Variants in SCN11A observed in about 807,000 individuals in gnomAD.
The protein encoded by SCN11A is sodium voltage-gated channel alpha subunit 11.
Under a neutral mutation model 162.2 loss-of-function variants are expected in SCN11A, and 122 were observed. The observed-to-expected ratio is 0.75, with a 90% CI of 0.65 to 0.87. The LOEUF (loss-of-function observed/expected upper bound fraction) is 0.87. Ranked by LOEUF, SCN11A falls within the 40% of genes least tolerant of loss-of-function variation. SCN11A has a pLI of 0.00. For missense variants in SCN11A, 2,015 were observed against 2,181.6 expected (o/e 0.92, Z 1.52); for synonymous variants, 758 against 751.5 (o/e 1.01, Z -0.14).
At chr3:38,995,807 A>ATCTGTCTGTCTGTCTG (rs1553648581) in intron 2 of SCN11A, among the ~76,000 whole-genome samples, 7 of 145,388 alleles carry the variant, frequency 4.8e-5, no homozygotes, top group African/African-American at 1.6e-4. Flanking sequence ...TTGTCTATCT[A>ATCTGTCTGTCTGTCTG]TCTATCTATC....
chr3:38,867,197 C>T, intron 27 of SCN11A, 124 bp downstream of exon 27: 1 of 867,700 alleles, frequency 1.2e-6, no homozygotes, highest in South Asian at 1.8e-5. Context: ...GGGAGGCTCC[C>T]TCCTTGTTAT....
chr3:38,990,067 A>T (rs2030404726), intron 2 of SCN11A, among the ~76,000 whole-genome samples: 2 of 152,192 alleles, frequency 1.3e-5, no homozygotes, highest in Admixed American at 6.6e-5. Flanking sequence ...TTTTACTGAG[A>T]TGAGCTCAGA....
At chr3:38,895,020 A>G in intron 18 of SCN11A, 56 bp from the exon 19 acceptor site, 2 of 1,495,616 alleles carry the variant, frequency 1.3e-6, no homozygotes, top group Non-Finnish European at 1.8e-6. Context: ...GAAAAGATAT[A>G]GTGGGTTTCC....
At chr3:38,932,564 A>G (rs1281124981) in intron 7 of SCN11A, among the ~76,000 whole-genome samples, 1 of 152,170 alleles carries the variant, frequency 6.6e-6, no homozygotes, top group Non-Finnish European at 1.5e-5. Context: ...GCACCAGGAG[A>G]TTATATCCCG....
At chr3:38,918,506 T>G (rs991997182) in intron 11 of SCN11A, among the ~76,000 whole-genome samples, 1 of 152,200 alleles carries the variant, frequency 6.6e-6, no homozygotes, top group Non-Finnish European at 1.5e-5. Context: ...TGCCTGATGA[T>G]CTGAGGTAGA....
chr3:38,930,319 C>A (rs2066221961), intron 7 of SCN11A, among the ~76,000 whole-genome samples: 1 of 152,192 alleles, frequency 6.6e-6, no homozygotes, highest in African/African-American at 2.4e-5. Flanking sequence ...AAGAGCTCCT[C>A]CTTGCTTCAG....
chr3:38,905,837 T>C (rs889077755), intron 14 of SCN11A, among the ~76,000 whole-genome samples: 1 of 152,196 alleles, frequency 6.6e-6, no homozygotes, highest in Non-Finnish European at 1.5e-5. Flanking sequence ...TCACAAAATC[T>C]AGATCCTAAA....
Position 38,903,848 on chromosome 3 carries a change from A to T in SCN11A, c.1842+17T>A. On this transcript the variant is annotated intron_variant, in intron 16 of 29. Transcript: ENST00000302328. ...AGTATGAAATATGTTTTTTATTTTT[A>T]AAAAGTGTAATGTTACCAAATTCCC... 1.3e-6 allele frequency: 2 copies of T among 1,505,080 alleles called. No homozygotes were observed. The highest frequency in any genetic ancestry group is 1.8e-6 in the Non-Finnish European group (2 of 1,105,218). 93.2% of individuals were successfully genotyped at this position (1,505,080 alleles called of 1,614,324 possible).
At chr3:38,929,297 A>G (rs754240368) in intron 7 of SCN11A, among the ~76,000 whole-genome samples, 2 of 152,204 alleles carry the variant, frequency 1.3e-5, no homozygotes, top group Admixed American at 6.5e-5. Flanking sequence ...ACATTCTACA[A>G]CATGTATAAA....
At chr3:38,909,999 T>G (rs558280683) in intron 12 of SCN11A, 67 bp downstream of exon 12, 1 of 1,451,650 alleles carries the variant, frequency 6.9e-7, no homozygotes, top group Non-Finnish European at 9.4e-7. Context: ...AATAGGTAAG[T>G]GATAGAGGGG....
At chr3:38,984,840 A>G (rs997133343) in intron 2 of SCN11A, among the ~76,000 whole-genome samples, 23 of 152,114 alleles carry the variant, frequency 1.5e-4, no homozygotes, top group African/African-American at 5.6e-4. Context: ...CAATGAAGGC[A>G]CGCGAAAGTC....
chr3:38,849,061 A>G (rs2064727748), intron 29 of SCN11A, among the ~76,000 whole-genome samples: 1 of 152,212 alleles, frequency 6.6e-6, no homozygotes, highest in African/African-American at 2.4e-5. Context: ...GGCAAATGCC[A>G]TACAGCATGT....
chr3:38,899,110 A>G (rs1279485946), intron 17 of SCN11A, among the ~76,000 whole-genome samples: 1 of 151,952 alleles, frequency 6.6e-6, no homozygotes, highest in Non-Finnish European at 1.5e-5. Context: ...TCCTATCTGA[A>G]AAAAAAAGGT....
At chr3:38,926,575 C>T (rs1316748875) in intron 8 of SCN11A, among the ~76,000 whole-genome samples, 10 of 151,492 alleles carry the variant, frequency 6.6e-5, no homozygotes, top group Non-Finnish European at 1.5e-5. Context: ...GAGTAAATGG[C>T]TGAAGGAACA....
chr3:39,034,220 A>G (rs2031842094), intron 1 of SCN11A, among the ~76,000 whole-genome samples: 1 of 152,126 alleles, frequency 6.6e-6, no homozygotes, highest in Non-Finnish European at 1.5e-5. Context: ...ACCAGCAAAT[A>G]GAATTCATCA....
intron 10 of SCN11A, among the ~76,000 whole-genome samples, chr3:38,920,707 C>T (rs904432597): frequency 3.5e-5 from 5 of 142,896 alleles, no homozygotes; most frequent in East Asian, 2.0e-4. Context: ...AAAAAAAAGA[C>T]GTGTCATTGG....
At chr3:38,952,063 C>G (rs1464458076) in intron 4 of SCN11A, among the ~76,000 whole-genome samples, 2 of 152,126 alleles carry the variant, frequency 1.3e-5, no homozygotes, top group Admixed American at 6.5e-5. Context: ...ACACTCACCA[C>G]GAAGGTCTGC....
At position 38,950,247 on chromosome 3, in the gene SCN11A, T is replaced by C; in HGVS notation, c.116A>G (p.Lys39Arg). 6 of 1,614,126 alleles carry C rather than the reference T, an allele frequency of 3.7e-6. No individual in the cohort carries two copies. The highest frequency in any genetic ancestry group is 5.1e-6 in the Non-Finnish European group (6 of 1,180,026). ...TACTTCTCCTGTCTGGTCTTTAGACTTCTTTTTCTCCTTTTGGATGGCAAT... is the reference window on the plus strand; with the variant it reads ...TACTTCTCCTGTCTGGTCTTTAGACCTCTTTTTCTCCTTTTGGATGGCAAT... ...KRIAIQKEKK[K>R]SKDQTGEVPQ... The change falls in exon 5 of 30, where the codon AAG (lysine) becomes AGG (arginine). Residue 39 changes from lysine (K) to arginine (R), a missense_variant. Transcript: ENST00000302328.
intron 1 of SCN11A, among the ~76,000 whole-genome samples, chr3:39,035,040 C>T (rs2031868513): frequency 1.3e-5 from 2 of 151,996 alleles, no homozygotes; most frequent in Admixed American, 6.6e-5. Context: ...AATCTACAGA[C>T]TCAATGCAAT....
Sources: allele counts gnomAD v4.1 joint callset (sites outside exome capture counted in the v4.1 genomes callset), GRCh38; gene constraint gnomAD v4.1.1; transcripts MANE v1.5; gene names NCBI Gene and HGNC (gene_info 2026-07-23, HGNC 2026-07-21).